Variants in MICAL3 observed in about 807,000 individuals in gnomAD.
MICAL3 encodes the protein microtubule associated monooxygenase, calponin and LIM domain containing 3, also known as [F-actin]-monooxygenase MICAL3.
A neutral mutation model predicts 207.4 loss-of-function variants in MICAL3; 62 were observed. The ratio of observed to expected loss-of-function variants is 0.30; its 90% confidence interval spans 0.24 to 0.37. The LOEUF is 0.37. MICAL3 is among the 10% of genes least tolerant of loss of function. The probability of loss-of-function intolerance (pLI) is 1.00; values close to 1 mark genes in which losing one functional copy is unlikely to be tolerated. For missense variants in MICAL3, 2,368 were observed against 2,635.6 expected, an observed-to-expected ratio of 0.90 and a Z score of 2.22; for synonymous variants, 1,077 against 1,069.3, an observed-to-expected ratio of 1.01 and a Z score of -0.14.
In MICAL3 at chr22:18,020,306, C is replaced by G. The variant is rs1370803166; in HGVS notation, c.-75+3975G>C. ...TACACTTCTTTTTCCTTCTCTTAAC[C>G]TGAAAGATATATTTTGGGTCAGAGA... On this transcript the variant is annotated intron_variant, in intron 1 of 31. Transcript: ENST00000441493. 3 of 151,720 alleles carry G rather than the reference C, an allele frequency of 2.0e-5. No homozygotes were observed. The East Asian group carries it at 5.8e-4, about 29-fold the overall frequency. The allele number at this position is 151,720 out of a possible 1,614,324, so 9.4% of individuals were successfully genotyped here. A position where few individuals can be genotyped will look rare whatever the true frequency, so the allele number is the denominator to read the frequency against.
At chr22:18,003,000 CA>C (rs1444573245) in intron 1 of MICAL3, among the ~76,000 whole-genome samples, 2 of 151,952 alleles carry the variant, frequency 1.3e-5, no homozygotes, top group African/African-American at 4.8e-5. Context: ...ACTAAAGATA[CA>C]AAAACAAAAT....
At chr22:17,797,621 CTCAA>C (rs1369290525) in intron 29 of MICAL3, among the ~76,000 whole-genome samples, 1 of 152,190 alleles carries the variant, frequency 6.6e-6, no homozygotes, top group Non-Finnish European at 1.5e-5. Context: ...GCATTTCCGA[CTCAA>C]TCATTCAATT....
At chr22:17,826,430 A>G in intron 22 of MICAL3, 1 of 984,178 alleles carries the variant, frequency 1.0e-6, no homozygotes, top group Non-Finnish European at 1.2e-6. Flanking sequence ...GTGAGTGGGG[A>G]GAGAGTGAAC....
chr22:17,879,230 GC>G (rs1209223961), intron 16 of MICAL3: 2 of 808,106 alleles, frequency 2.5e-6, no homozygotes, highest in African/African-American at 3.5e-5. Context: ...ACAAGAGCGT[GC>G]AAAAAGCAAG....
chr22:17,993,429 A>G (rs1261038675), intron 1 of MICAL3, among the ~76,000 whole-genome samples: 1 of 151,910 alleles, frequency 6.6e-6, no homozygotes, highest in East Asian at 1.9e-4. Context: ...GCCTTCCTCC[A>G]CCCCTGGCCC....
intron 29 of MICAL3, among the ~76,000 whole-genome samples, chr22:17,801,301 C>T (rs1163859786): frequency 2.9e-5 from 3 of 104,752 alleles, no homozygotes; most frequent in African/African-American, 1.2e-4. Flanking sequence ...TACAGGCGCC[C>T]GCCACTACGC....
chr22:17,903,062 A>G (rs1190897826), intron 3 of MICAL3, among the ~76,000 whole-genome samples: 3 of 152,196 alleles, frequency 2.0e-5, no homozygotes, highest in African/African-American at 7.2e-5. Flanking sequence ...CATCTTCCCA[A>G]TTTGGGGCTG....
rs1399048424 is a variant in MICAL3, at chr22:17,796,786, C to T, written c.5651-5485G>A. 6.6e-6 allele frequency among the ~76,000 whole-genome samples: 1 copy of T among 152,168 alleles called. No homozygotes were observed. Among genetic ancestry groups the T allele is most frequent in the African/African-American group, 2.4e-5 (1 of 41,436 alleles). On this transcript the variant is annotated intron_variant, in intron 29 of 31. Coordinates refer to ENST00000441493, the MANE Select transcript of MICAL3 (RefSeq NM_015241.3). This position sits in a 1 kb window ranked among gnomAD's most constrained non-coding sequence, Gnocchi z 4.4. ...AGACAGTGAAGGCAGGACCTGAATCCAGGCCTGGCCTTCCTAAGTCGGGGT... is the reference window on the plus strand; with the variant it reads ...AGACAGTGAAGGCAGGACCTGAATCTAGGCCTGGCCTTCCTAAGTCGGGGT...
rs768558931 is a variant in MICAL3, at chr22:17,885,905, G to T, written c.2214C>A (p.Pro738=). The change falls in exon 16 of 32, where the codon CCC becomes CCA. Residue 738 remains proline (P), a synonymous_variant. Transcript: ENST00000441493. The part of the protein sequence containing the change: ...QLLAKFEENA[P]AQSIGIRRQG... ...GTCTCCGTATGCCGATGGACTGTGC[G>T]GGCGCATTCTCTTCAAATTTGGCCA... 105 of 1,613,810 alleles carry T rather than the reference G, an allele frequency of 6.5e-5. No individual in the cohort carries two copies. Among genetic ancestry groups the T allele is most frequent in the Non-Finnish European group, 5.9e-5 (70 of 1,179,892 alleles).
intron 1 of MICAL3, among the ~76,000 whole-genome samples, chr22:18,004,013 C>A (rs1055951845): frequency 6.6e-6 from 1 of 152,194 alleles, no homozygotes; most frequent in Non-Finnish European, 1.5e-5. Flanking sequence ...TGTGATGTGC[C>A]TGCCTCGGCC....
In MICAL3 at chr22:17,790,640, G is replaced by A. The variant is rs2061815878; in HGVS notation, c.*92C>T. ...ATCTGAGCGTAAACTCCAAGGAGGT[G>A]CCAGGCCTCCTCAGATCGCGGCTCC... On this transcript the variant is annotated 3_prime_UTR_variant, in exon 32 of 32. Transcript: ENST00000441493. 2 of 1,205,886 alleles carry A rather than the reference G, an allele frequency of 1.7e-6. No homozygotes were observed. The highest frequency in any genetic ancestry group is 2.6e-5 in the East Asian group (1 of 39,034). 74.7% of individuals were successfully genotyped at this position (1,205,886 alleles called of 1,614,324 possible). A position where few individuals can be genotyped will look rare whatever the true frequency, so the allele number is the denominator to read the frequency against.
chr22:18,007,156 A>G (rs550235259), intron 1 of MICAL3: 8 of 151,644 alleles, frequency 5.3e-5, no homozygotes, highest in Non-Finnish European at 1.0e-4. Context: ...GCGCCCGGCC[A>G]ATTTTCTGAT....
At chr22:17,959,999 A>G (rs1175000262) in intron 1 of MICAL3, among the ~76,000 whole-genome samples, 1 of 152,226 alleles carries the variant, frequency 6.6e-6, no homozygotes, top group African/African-American at 2.4e-5. Flanking sequence ...GTAAGCAAAG[A>G]GCACTTAACG....
intron 1 of MICAL3, among the ~76,000 whole-genome samples, chr22:17,915,356 C>T (rs150350948): frequency 1.9e-3 from 289 of 152,274 alleles, no homozygotes; most frequent in African/African-American, 6.7e-3. Context: ...GTTGGTAGGC[C>T]GTACAGGGCA....
intron 19 of MICAL3, chr22:17,861,319 C>T (rs1926493663): frequency 1.0e-6 from 1 of 985,310 alleles, no homozygotes; most frequent in African/African-American, 1.7e-5. Context: ...GGACAGGGGT[C>T]AGGCAACTGC....
chr22:17,912,286 G>A (rs1180299498), intron 1 of MICAL3, among the ~76,000 whole-genome samples: 1 of 151,686 alleles, frequency 6.6e-6, no homozygotes, highest in Non-Finnish European at 1.5e-5. Context: ...TCCAGCTTTG[G>A]TCTCCTTTAG....
chr22:17,897,627 T>C (rs543014740), intron 7 of MICAL3, among the ~76,000 whole-genome samples: 5 of 152,076 alleles, frequency 3.3e-5, no homozygotes, highest in Non-Finnish European at 7.4e-5. Flanking sequence ...GGCATTTCAT[T>C]ATCTTCTGGG....
chr22:17,845,576 C>T (rs569723434), intron 19 of MICAL3, among the ~76,000 whole-genome samples: 23 of 151,210 alleles, frequency 1.5e-4, no homozygotes, highest in African/African-American at 4.9e-4. Context: ...TGGAGTTAGC[C>T]GGCTGCAAAA....
chr22:17,898,882 A>C (rs1238483891), intron 7 of MICAL3, among the ~76,000 whole-genome samples: 1 of 152,160 alleles, frequency 6.6e-6, no homozygotes, highest in African/African-American at 2.4e-5. Context: ...GTGTAGCCTG[A>C]TCCTGTCAGT....
Sources: allele counts gnomAD v4.1 joint callset (sites outside exome capture counted in the v4.1 genomes callset), GRCh38; gene constraint gnomAD v4.1.1; non-coding constraint Gnocchi (gnomAD v3.1); transcripts MANE v1.5; gene names NCBI Gene and HGNC (gene_info 2026-07-23, HGNC 2026-07-21).